NECTIN1: variants seen among roughly 807,000 people sequenced by gnomAD.
The protein encoded by NECTIN1 is nectin-1.
A neutral mutation model predicts 48.0 loss-of-function variants in NECTIN1; 23 were observed. The observed-to-expected ratio is 0.48, with a 90% CI of 0.34 to 0.68. NECTIN1 has a LOEUF of 0.68. Among genes scored for constraint, NECTIN1 ranks in the 30% least tolerant of loss-of-function variants. NECTIN1 has a pLI of 0.01. For missense variants in NECTIN1, 591 were observed against 709.9 expected, an observed-to-expected ratio of 0.83 and a Z score of 1.90; for synonymous variants, 270 against 288.9, an observed-to-expected ratio of 0.93 and a Z score of 0.66.
At chr11:119,655,878 C>T (rs997496311) in intron 5 of NECTIN1, among the ~76,000 whole-genome samples, 6 of 152,112 alleles carry the variant, frequency 3.9e-5, no homozygotes, top group Admixed American at 3.3e-4. Context: ...GGCTTCACCA[C>T]CTGAAAGGTC....
chr11:119,711,911 A>G (rs1465598281), intron 1 of NECTIN1, among the ~76,000 whole-genome samples: 2 of 152,218 alleles, frequency 1.3e-5, no homozygotes, highest in African/African-American at 2.4e-5. Context: ...CACCCTGCAC[A>G]GGAATGGCTG....
intron 1 of NECTIN1, among the ~76,000 whole-genome samples, chr11:119,720,570 G>A (rs775738224): frequency 2.6e-5 from 4 of 152,282 alleles, no homozygotes; most frequent in South Asian, 2.1e-4. Flanking sequence ...TTATTTGGGC[G>A]TGGTGCTCAT....
downstream of NECTIN1, among the ~76,000 whole-genome samples, chr11:119,657,019 T>C (rs1054994225): frequency 8.5e-5 from 13 of 152,226 alleles, no homozygotes; most frequent in African/African-American, 2.9e-4. Flanking sequence ...ATTACGGGTG[T>C]GGCTCCATCC....
intron 5 of NECTIN1, among the ~76,000 whole-genome samples, chr11:119,670,644 C>CCT (rs778729538): frequency 8.8e-6 from 1 of 113,892 alleles, no homozygotes; most frequent in African/African-American, 3.4e-5. Flanking sequence ...TTCCTAAGTC[C>CCT]TTTTTTTTTT....
chr11:119,699,381 A>G (rs1322927642), intron 1 of NECTIN1, among the ~76,000 whole-genome samples: 2 of 152,066 alleles, frequency 1.3e-5, no homozygotes, highest in South Asian at 2.1e-4. Context: ...GCCCCCGGCC[A>G]GCAGACGCCA....
intron 1 of NECTIN1, among the ~76,000 whole-genome samples, chr11:119,724,826 A>G (rs187541553): frequency 3.3e-5 from 5 of 152,372 alleles, no homozygotes; most frequent in African/African-American, 1.2e-4. Context: ...ACTAAAGGTG[A>G]GACCCTATGC....
At chr11:119,707,439 A>G (rs1865567747) in intron 1 of NECTIN1, among the ~76,000 whole-genome samples, 1 of 150,928 alleles carries the variant, frequency 6.6e-6, no homozygotes, top group African/African-American at 2.4e-5. Context: ...TTCCCCTCCC[A>G]TCCCTGCCAA....
chr11:119,685,028 T>G (rs1261061623), intron 1 of NECTIN1, among the ~76,000 whole-genome samples: 1 of 152,210 alleles, frequency 6.6e-6, no homozygotes, highest in Admixed American at 6.5e-5. Context: ...ACCCAGTTCT[T>G]GTCCTGGTGC....
chr11:119,667,843 C>T lies in NECTIN1; in HGVS notation c.1004-2546G>A, dbSNP rs147174852. Among the ~76,000 whole-genome samples, 751 of 152,300 alleles carry T rather than the reference C, an allele frequency of 4.9e-3. 9 individuals are homozygous for T. The highest frequency in any genetic ancestry group is 0.015 in the African/African-American group (630 of 41,564). On this transcript the variant is annotated intron_variant, in intron 5 of 5. Coordinates refer to ENST00000264025, the MANE Select transcript of NECTIN1 (RefSeq NM_002855.5). ...CAAATTATTTAGGGTACATAGTTCT[C>T]GCCCAACTCTGGGACTGTATCTCCA...
intron 1 of NECTIN1, among the ~76,000 whole-genome samples, chr11:119,685,471 C>T (rs748461539): frequency 1.3e-5 from 2 of 152,214 alleles, no homozygotes; most frequent in Non-Finnish European, 2.9e-5. Context: ...GCTGCCCCGG[C>T]GTGGCAGCAG....
rs59735262 is a variant in NECTIN1, at chr11:119,667,955, G to C, written c.1004-2658C>G. Reference sequence around the variant, plus strand: ...ATAGGGGGGTCGAGATGTTGGCTTAGACAAAAGCATCAGAGCCTGTTACCT... The same window carrying C: ...ATAGGGGGGTCGAGATGTTGGCTTACACAAAAGCATCAGAGCCTGTTACCT... On this transcript the variant is annotated intron_variant, in intron 5 of 5. Transcript: ENST00000264025. 3.9e-5 allele frequency among the ~76,000 whole-genome samples: 6 copies of C among 152,294 alleles called. No individual in the cohort carries two copies. In the East Asian group the frequency reaches 1.2e-3, roughly 29 times the overall value.
chr11:119,713,827 G>A (rs898139722), intron 1 of NECTIN1: 5 of 455,628 alleles, frequency 1.1e-5, no homozygotes, highest in South Asian at 6.2e-5. Context: ...AGAGTTCGGC[G>A]AGGGGAGGCA....
chr11:119,700,953 A>T (rs1413876786), intron 1 of NECTIN1, among the ~76,000 whole-genome samples: 1 of 152,134 alleles, frequency 6.6e-6, no homozygotes, highest in Non-Finnish European at 1.5e-5. Flanking sequence ...TGAGACCTTG[A>T]ACTTACACCC....
chr11:119,662,308 C>T lies in NECTIN1; in HGVS notation c.*2439G>A, dbSNP rs899031960. 1.8e-5 allele frequency: 18 copies of T among 985,706 alleles called. No individual in the cohort carries two copies. The African/African-American group carries it at 3.0e-4, about 16-fold the overall frequency. The allele number at this position is 985,706 out of a possible 1,614,324, so 61.1% of individuals were successfully genotyped here. A position where few individuals can be genotyped will look rare whatever the true frequency, so the allele number is the denominator to read the frequency against. Reference sequence around the variant, plus strand: ...CAAACTTGGGGCACAGAAAACCTCACATCCCTAGGTCCAAGTGCTGACTCC... The same window carrying T: ...CAAACTTGGGGCACAGAAAACCTCATATCCCTAGGTCCAAGTGCTGACTCC... On this transcript the variant is annotated 3_prime_UTR_variant, in exon 6 of 6. Transcript: ENST00000264025. The surrounding 1 kb of genome is among the most constrained non-coding windows in gnomAD (Gnocchi z 5.3).
intron 5 of NECTIN1, among the ~76,000 whole-genome samples, chr11:119,648,265 GTGGTGGTGGTGA>G (rs1406525947): frequency 0.031 from 903 of 28,746 alleles, 65 homozygotes; most frequent in Non-Finnish European, 0.054. Flanking sequence ...GGTGGTAATA[GTGGTGGTGGTGA>G]TGGTGGTGGT....
chr11:119,643,078 G>A (rs1307008499), intron 5 of NECTIN1: 2 of 153,756 alleles, frequency 1.3e-5, no homozygotes, highest in African/African-American at 4.8e-5. Flanking sequence ...ACACGTGCCA[G>A]GGCCACAGTG....
chr11:119,653,652 A>G (rs1422914898), intron 5 of NECTIN1, among the ~76,000 whole-genome samples: 3 of 152,232 alleles, frequency 2.0e-5, no homozygotes, highest in African/African-American at 7.2e-5. Flanking sequence ...TGTTGTTTCC[A>G]TGACGAGTTC....
In NECTIN1 at chr11:119,693,030, G is replaced by A. The variant is rs1443265607; in HGVS notation, c.80-14265C>T. 9.2e-5 allele frequency among the ~76,000 whole-genome samples: 14 copies of A among 152,088 alleles called. No homozygotes were observed. In the East Asian group the frequency reaches 1.7e-3, roughly 19 times the overall value. On this transcript the variant is annotated intron_variant, in intron 1 of 5. Coordinates refer to ENST00000264025, the MANE Select transcript of NECTIN1 (RefSeq NM_002855.5). ...CCCTGCCACTCCTCCTTCGTTCTGC[G>A]GGAGGCTGAGCTGACACCTCCACCT... is the stretch of plus-strand genomic sequence containing the variant.
chr11:119,727,574 T>C lies in NECTIN1; in HGVS notation c.79+901A>G, dbSNP rs1341364975. Among the ~76,000 whole-genome samples, 1 of 152,194 alleles carries C rather than the reference T, an allele frequency of 6.6e-6. No homozygotes were observed. Among genetic ancestry groups the C allele is most frequent in the African/African-American group, 2.4e-5 (1 of 41,454 alleles). ...AGGGGACTCGGTCGGATTTGCCTCC[T>C]AAACGCATTTTCCAGTTCATTCCCC... On this transcript the variant is annotated intron_variant, in intron 1 of 5. Coordinates refer to ENST00000264025, the MANE Select transcript of NECTIN1 (RefSeq NM_002855.5). The surrounding 1 kb of genome is among the most constrained non-coding windows in gnomAD (Gnocchi z 4.1).
Sources: gnomAD v4.1 joint callset for allele counts (sites outside exome capture counted in the v4.1 genomes callset) on GRCh38, gnomAD v4.1.1 for gene constraint, Gnocchi (gnomAD v3.1) non-coding constraint, MANE v1.5 for transcripts, NCBI Gene and HGNC (gene_info 2026-07-23, HGNC 2026-07-21) for gene names.